FAM110B: variants seen among roughly 807,000 people sequenced by gnomAD.
FAM110B encodes family with sequence similarity 110 member B.
FAM110B carries 6 observed loss-of-function variants against 20.4 expected under a neutral mutation model. The observed-to-expected ratio is 0.29, with a 90% CI of 0.16 to 0.58. FAM110B has a LOEUF of 0.58. Ranked by LOEUF, FAM110B falls within the 20% of genes least tolerant of loss-of-function variation. FAM110B has a pLI of 0.90. For missense variants in FAM110B, 434 were observed against 498.2 expected (o/e 0.87, Z 1.23); for synonymous variants, 226 against 214.1 (o/e 1.06, Z -0.49).
chr8:58,027,815 T>A (rs1311477913), intron 1 of FAM110B, among the ~76,000 whole-genome samples: 1 of 152,262 alleles, frequency 6.6e-6, no homozygotes, highest in Non-Finnish European at 1.5e-5. Context: ...CTTCGTGTGG[T>A]ATACCACAAA....
At chr8:58,026,548 C>T (rs371668893) in intron 1 of FAM110B, among the ~76,000 whole-genome samples, 37 of 152,110 alleles carry the variant, frequency 2.4e-4, no homozygotes, top group African/African-American at 7.7e-4. Context: ...TCTGTAATCA[C>T]TTTGATAAGC....
intron 3 of FAM110B, among the ~76,000 whole-genome samples, chr8:58,131,051 T>C (rs1228296691): frequency 2.0e-5 from 3 of 152,166 alleles, no homozygotes; most frequent in Non-Finnish European, 4.4e-5. Context: ...GAAGCTCTCT[T>C]CACTGCCACT....
intron 1 of FAM110B, among the ~76,000 whole-genome samples, chr8:57,995,815 C>A (rs1294684722): frequency 6.6e-6 from 1 of 152,228 alleles, no homozygotes; most frequent in African/African-American, 2.4e-5. Context: ...CCTCTGTGTT[C>A]TTCCTCACAG....
At chr8:58,123,503 A>T (rs948818806) in intron 3 of FAM110B, among the ~76,000 whole-genome samples, 1 of 152,210 alleles carries the variant, frequency 6.6e-6, no homozygotes, top group Non-Finnish European at 1.5e-5. Flanking sequence ...AACTAAATAA[A>T]TCTTGCTACC....
intron 3 of FAM110B, among the ~76,000 whole-genome samples, chr8:58,082,399 C>T (rs1343748695): frequency 1.3e-5 from 2 of 152,196 alleles, no homozygotes; most frequent in Non-Finnish European, 2.9e-5. Context: ...TGTGAAGAAC[C>T]AGTTCAGATT....
intron 2 of FAM110B, among the ~76,000 whole-genome samples, chr8:58,072,754 A>G (rs1191999276): frequency 6.6e-6 from 1 of 152,232 alleles, no homozygotes; most frequent in Non-Finnish European, 1.5e-5. Flanking sequence ...TTTCTGTTAT[A>G]AGGGATACTT....
At chr8:58,035,927 C>T (rs1042745685) in intron 2 of FAM110B, among the ~76,000 whole-genome samples, 1 of 152,112 alleles carries the variant, frequency 6.6e-6, no homozygotes, top group Non-Finnish European at 1.5e-5. Flanking sequence ...ACTCCTCCTC[C>T]TTATGAGACT....
At chr8:58,081,477 G>A (rs766851146) in intron 3 of FAM110B, among the ~76,000 whole-genome samples, 3 of 152,194 alleles carry the variant, frequency 2.0e-5, no homozygotes, top group Non-Finnish European at 4.4e-5. Flanking sequence ...AAATTGCTGG[G>A]ATTATAGGCG....
intron 1 of FAM110B, among the ~76,000 whole-genome samples, chr8:58,025,694 A>G (rs1179086189): frequency 6.6e-6 from 1 of 152,214 alleles, no homozygotes; most frequent in Non-Finnish European, 1.5e-5. Flanking sequence ...TGAGAGTATT[A>G]CTAAATTTGT....
intron 1 of FAM110B, among the ~76,000 whole-genome samples, chr8:58,024,965 TG>T (rs1375796170): frequency 2.0e-5 from 3 of 152,222 alleles, no homozygotes; most frequent in Non-Finnish European, 2.9e-5. Flanking sequence ...TAATGGTATT[TG>T]CCTGGGCTTA....
Position 58,125,993 on chromosome 8 carries a change from G to C in FAM110B, c.-324-19914G>C, listed in dbSNP as rs1028058810. 4.6e-5 allele frequency among the ~76,000 whole-genome samples: 7 copies of C among 152,266 alleles called. No homozygotes were observed. The South Asian group carries it at 1.0e-3, about 23-fold the overall frequency. ...GTATGTATAGTTCATTTTATCACTT[G>C]CATAGATTTGTGTAACCACCACCAC... On this transcript the variant is annotated intron_variant, in intron 3 of 3. Coordinates refer to ENST00000519262, the MANE Select transcript of FAM110B (RefSeq NM_001377989.1).
intron 1 of FAM110B, among the ~76,000 whole-genome samples, chr8:58,004,258 G>C (rs1187028751): frequency 6.6e-6 from 1 of 152,162 alleles, no homozygotes; most frequent in East Asian, 1.9e-4. Context: ...CCCAGGGATT[G>C]GGGTCCCCTG....
chr8:58,009,237 A>G (rs1295010926), intron 1 of FAM110B, among the ~76,000 whole-genome samples: 1 of 152,222 alleles, frequency 6.6e-6, no homozygotes. Flanking sequence ...GGTAGATTAT[A>G]TCTCGGGTGT....
intron 2 of FAM110B, among the ~76,000 whole-genome samples, chr8:58,066,479 C>T (rs958032190): frequency 5.9e-5 from 9 of 152,146 alleles, no homozygotes; most frequent in African/African-American, 2.2e-4. Context: ...TTCCAGCAGC[C>T]AGTTTCAGTC....
intron 2 of FAM110B, among the ~76,000 whole-genome samples, chr8:58,038,568 A>C (rs1172314124): frequency 6.6e-6 from 1 of 152,192 alleles, no homozygotes; most frequent in African/African-American, 2.4e-5. Flanking sequence ...CCTGGCCAAC[A>C]TGGTGAAACC....
At chr8:58,015,550 G>C (rs1425584895) in intron 1 of FAM110B, among the ~76,000 whole-genome samples, 1 of 151,852 alleles carries the variant, frequency 6.6e-6, no homozygotes, top group Non-Finnish European at 1.5e-5. Context: ...ACGTGTTCTT[G>C]AAAAGGCATG....
chr8:58,101,177 A>C (rs1806771412), intron 3 of FAM110B, among the ~76,000 whole-genome samples: 1 of 142,768 alleles, frequency 7.0e-6, no homozygotes, highest in South Asian at 2.2e-4. Context: ...ACTCCGTCTC[A>C]AAAAAAAAAA....
chr8:58,058,820 T>A (rs766197555), intron 2 of FAM110B, among the ~76,000 whole-genome samples: 1 of 152,158 alleles, frequency 6.6e-6, no homozygotes, highest in Non-Finnish European at 1.5e-5. Context: ...TACAATAGGG[T>A]TTTTTGAGGT....
chr8:58,069,359 T>C (rs1314843563), intron 2 of FAM110B, among the ~76,000 whole-genome samples: 1 of 152,220 alleles, frequency 6.6e-6, no homozygotes, highest in Non-Finnish European at 1.5e-5. Context: ...AGGTGGCTCC[T>C]ATCATTGTCT....
Sources: gnomAD v4.1 joint callset for allele counts (sites outside exome capture counted in the v4.1 genomes callset) on GRCh38, gnomAD v4.1.1 for gene constraint, MANE v1.5 for transcripts, NCBI Gene and HGNC (gene_info 2026-07-23, HGNC 2026-07-21) for gene names.